The following RILPL1 variants were observed in gnomAD, a reference collection of about 807,000 sequenced individuals.
The protein encoded by RILPL1 is RILP-like protein 1.
In RILPL1, 33 loss-of-function variants were observed where a neutral mutation model predicts 50.3. The observed-to-expected ratio is 0.66, with a 90% CI of 0.50 to 0.88. The LOEUF (loss-of-function observed/expected upper bound fraction) is 0.88, where lower values mean the gene tolerates loss of function less well. Ranked by LOEUF, RILPL1 falls within the 40% of genes least tolerant of loss-of-function variation. RILPL1 has a pLI of 0.00. For missense variants in RILPL1, 418 were observed against 542.5 expected (o/e 0.77, Z 2.28); for synonymous variants, 205 against 228.6 (o/e 0.90, Z 0.93).
intron 4 of RILPL1, among the ~76,000 whole-genome samples, chr12:123,490,109 G>A (rs917565777): frequency 6.6e-6 from 1 of 151,978 alleles, no homozygotes; most frequent in Non-Finnish European, 1.5e-5. Flanking sequence ...CGAACCCCAA[G>A]CTCCCTCCAG....
chr12:123,511,141 T>G lies in RILPL1; in HGVS notation c.461-11605A>C, dbSNP rs1252818589. On this transcript the variant is annotated intron_variant, in intron 2 of 6. Coordinates refer to ENST00000376874, the MANE Select transcript of RILPL1 (RefSeq NM_178314.5). ...GGTGTGTGAGGTCTATGTGTGTGTG[T>G]GGTGTGTGTGAGGTCTGTGTGTGGT... Among the ~76,000 whole-genome samples the G allele has an allele frequency of 9.0e-4, 115 of 127,262 alleles. 1 individual carries two copies. The highest frequency in any genetic ancestry group is 3.6e-4 in the Non-Finnish European group (22 of 60,760). 83.5% of individuals were successfully genotyped at this position (127,262 alleles called of 152,430 possible).
chr12:123,478,777 A>G (rs1471342403), intron 6 of RILPL1, among the ~76,000 whole-genome samples: 2 of 152,150 alleles, frequency 1.3e-5, no homozygotes, highest in African/African-American at 4.8e-5. Context: ...GCAAAAGGCA[A>G]CTGTGTGTGC....
At position 123,472,648 on chromosome 12, in the gene RILPL1, C is replaced by A. The variant is rs1881269723; in HGVS notation, c.1102G>T (p.Ala368Ser). Residue 368 changes from alanine (A) to serine (S), a missense_variant, in exon 7 of 7, where the codon GCC (alanine) becomes TCC (serine). By Grantham distance (99) the Ala-to-Ser change is moderately conservative. Transcript: ENST00000376874. ...SFFSRDKKRL[A>S]NTQRNVHIQE... Reference sequence around the variant, plus strand: ...ATGTGCACGTTTCTCTGTGTGTTGGCCAGGCGCTTCTTATCTCGGGAGAAG... The same window carrying A: ...ATGTGCACGTTTCTCTGTGTGTTGGACAGGCGCTTCTTATCTCGGGAGAAG... 1.3e-6 allele frequency: 2 copies of A among 1,598,118 alleles called. No homozygotes were observed. The highest frequency in any genetic ancestry group is 4.5e-5 in the East Asian group (2 of 44,418).
At chr12:123,496,326 T>C (rs182312164) in intron 4 of RILPL1, among the ~76,000 whole-genome samples, 11 of 152,310 alleles carry the variant, frequency 7.2e-5, no homozygotes, top group Admixed American at 4.6e-4. Flanking sequence ...TACTCCCTTT[T>C]AAGACTTCTC....
intron 2 of RILPL1, among the ~76,000 whole-genome samples, chr12:123,508,327 G>A (rs777867443): frequency 5.8e-4 from 88 of 152,134 alleles, no homozygotes; most frequent in Non-Finnish European, 1.0e-3. Flanking sequence ...TAGGGAGTTC[G>A]AGGCTGCAGT....
At chr12:123,507,965 A>G (rs558384094) in intron 2 of RILPL1, among the ~76,000 whole-genome samples, 3,213 of 151,160 alleles carry the variant, frequency 0.021, 110 homozygotes, top group African/African-American at 0.069. Flanking sequence ...AAAAAAAAAA[A>G]AAAAGAAAAG....
At chr12:123,512,436 G>T (rs1884378578) in intron 2 of RILPL1, among the ~76,000 whole-genome samples, 1 of 145,826 alleles carries the variant, frequency 6.9e-6, no homozygotes, top group Non-Finnish European at 1.5e-5. Flanking sequence ...TGAGGTCTGT[G>T]TGTGTGGTGT....
chr12:123,478,353 C>T (rs931979619), intron 6 of RILPL1, among the ~76,000 whole-genome samples: 1 of 151,990 alleles, frequency 6.6e-6, no homozygotes, highest in Non-Finnish European at 1.5e-5. Context: ...CCTTACTATT[C>T]CAGGGGCTGC....
chr12:123,488,531 CT>C (rs1405518730), intron 4 of RILPL1, among the ~76,000 whole-genome samples: 1 of 152,100 alleles, frequency 6.6e-6, no homozygotes, highest in Admixed American at 6.5e-5. Flanking sequence ...TGAATGTGCC[CT>C]GGACAGGAGG....
At chr12:123,480,158 CT>C (rs957649286) in intron 6 of RILPL1, among the ~76,000 whole-genome samples, 10,251 of 116,970 alleles carry the variant, frequency 0.088, 1,034 homozygotes, top group African/African-American at 0.26. Context: ...AAGGCTGATT[CT>C]TTTTTTTTTT....
chr12:123,503,501 C>T (rs1424603988), intron 2 of RILPL1, among the ~76,000 whole-genome samples: 2 of 151,978 alleles, frequency 1.3e-5, no homozygotes, highest in African/African-American at 2.4e-5. Context: ...CCGTGCCTGG[C>T]CCAGAGAGAT....
intron 2 of RILPL1, among the ~76,000 whole-genome samples, chr12:123,521,637 ATG>A (rs545603670): frequency 5.7e-5 from 1 of 17,552 alleles, no homozygotes; most frequent in African/African-American, 1.3e-4. Flanking sequence ...ATACACACAT[ATG>A]TGTATATATA....
chr12:123,518,124 G>C (rs970047945), intron 2 of RILPL1, among the ~76,000 whole-genome samples: 1 of 152,154 alleles, frequency 6.6e-6, no homozygotes, highest in South Asian at 2.1e-4. Flanking sequence ...AGTTTTGTGA[G>C]AGAAAAGAGT....
At chr12:123,496,832 C>T (rs1344152303) in intron 4 of RILPL1, among the ~76,000 whole-genome samples, 1 of 152,230 alleles carries the variant, frequency 6.6e-6, no homozygotes, top group African/African-American at 2.4e-5. Context: ...TGATGGACAG[C>T]TCTGGCCACG....
At chr12:123,520,641 T>G (rs1397296568) in intron 2 of RILPL1, among the ~76,000 whole-genome samples, 2 of 152,160 alleles carry the variant, frequency 1.3e-5, no homozygotes, top group Non-Finnish European at 2.9e-5. Context: ...TCCGGGGTCC[T>G]CCAGGCCCAG....
intron 4 of RILPL1, among the ~76,000 whole-genome samples, chr12:123,497,197 T>C (rs1883085720): frequency 6.6e-6 from 1 of 152,216 alleles, no homozygotes; most frequent in Admixed American, 6.5e-5. Flanking sequence ...CTGATGGACA[T>C]GTGGGTTGTT....
intron 6 of RILPL1, among the ~76,000 whole-genome samples, chr12:123,483,592 A>T (rs570322772): frequency 6.6e-6 from 1 of 152,346 alleles, no homozygotes; most frequent in Non-Finnish European, 1.5e-5. Context: ...ACAACCTCAA[A>T]GGAATCTGTT....
rs1883150207 is a variant in RILPL1 at position 123,498,184 on chromosome 12, G to A, written c.801+360C>T. The stretch of plus-strand genomic sequence containing the variant: ...CTGTGTGTCCTCAGGCCAGTAGCTT[G>A]TTCTCTCTGAGCCTCTCGTTTTTTC... On this transcript the variant is annotated intron_variant, in intron 4 of 6. Coordinates refer to ENST00000376874, the MANE Select transcript of RILPL1 (RefSeq NM_178314.5). This position sits in a 1 kb window ranked among gnomAD's most constrained non-coding sequence, Gnocchi z 4.3. 6.6e-6 allele frequency among the ~76,000 whole-genome samples: 1 copy of A among 151,824 alleles called. No homozygotes were observed. Among genetic ancestry groups the A allele is most frequent in the Non-Finnish European group, 1.5e-5 (1 of 67,958 alleles).
chr12:123,525,920 AAAACAAAC>A (rs149762500), intron 1 of RILPL1, among the ~76,000 whole-genome samples: 14 of 151,362 alleles, frequency 9.2e-5, no homozygotes, highest in Admixed American at 2.6e-4. Context: ...ACCCCCGCAA[AAAACAAAC>A]AAACAAACAA....
Sources: gnomAD v4.1 joint callset for allele counts (sites outside exome capture counted in the v4.1 genomes callset) on GRCh38, gnomAD v4.1.1 for gene constraint, Gnocchi (gnomAD v3.1) non-coding constraint, MANE v1.5 for transcripts, NCBI Gene and HGNC (gene_info 2026-07-23, HGNC 2026-07-21) for gene names.